PCDH11X: variants seen among roughly 807,000 people sequenced by gnomAD.
PCDH11X encodes protocadherin-11 X-linked.
PCDH11X carries 18 observed loss-of-function variants against 53.3 expected under a neutral mutation model. That is an observed-to-expected ratio of 0.34 (90% CI 0.23 to 0.50). The LOEUF (loss-of-function observed/expected upper bound fraction) is 0.50. Among genes scored for constraint, PCDH11X ranks in the 20% least tolerant of loss-of-function variants. PCDH11X has a pLI of 0.98. For missense variants in PCDH11X, 570 were observed against 1,032.4 expected (o/e 0.55, Z 6.14); for synonymous variants, 279 against 393.3 (o/e 0.71, Z 3.44).
intron 6 of PCDH11X, among the ~76,000 whole-genome samples, chrX:92,096,360 C>T (rs1298995555): frequency 9.1e-6 from 1 of 109,849 alleles, no homozygotes; most frequent in Non-Finnish European, 1.9e-5. Context: ...CACTTGCTCT[C>T]AGGGGGACTA....
intron 4 of PCDH11X, among the ~76,000 whole-genome samples, chrX:91,814,277 G>A (rs34730797): frequency 2.7e-5 from 3 of 110,812 alleles, no homozygotes; most frequent in Admixed American, 9.7e-5. Context: ...CAGTTTAAGC[G>A]TTTGAAAACC....
chrX:91,799,217 C>T (rs1221964807), intron 1 of PCDH11X, among the ~76,000 whole-genome samples: 1 of 110,371 alleles, frequency 9.1e-6, no homozygotes, highest in Non-Finnish European at 1.9e-5. Flanking sequence ...AAATCCATGA[C>T]CTCCTAAACA....
At chrX:92,591,679 G>A (rs1164510003) in intron 10 of PCDH11X, among the ~76,000 whole-genome samples, 2 of 111,254 alleles carry the variant, frequency 1.8e-5, no homozygotes. Flanking sequence ...CATCTGGAGG[G>A]CTGGAATATT....
At chrX:91,910,489 A>G (rs1001035841) in intron 6 of PCDH11X, among the ~76,000 whole-genome samples, 4 of 111,955 alleles carry the variant, frequency 3.6e-5, no homozygotes, top group African/African-American at 1.3e-4. Flanking sequence ...AATATTCACA[A>G]AAACAAAAAA....
In PCDH11X at chrX:91,792,054, G is replaced by T. The variant is rs777224931; in HGVS notation, c.-379+12370G>T. Among the ~76,000 whole-genome samples, 620 of 107,831 alleles carry T rather than the reference G, an allele frequency of 5.7e-3. 5 individuals are homozygous for T. Among genetic ancestry groups the T allele is most frequent in the African/African-American group, 0.02 (600 of 29,286 alleles). 93.6% of individuals were successfully genotyped at this position (107,831 alleles called of 115,157 possible). A position where few individuals can be genotyped will look rare whatever the true frequency, so the allele number is the denominator to read the frequency against. ...CTTTTTGTATTTTTAGTAGAGAGGG[G>T]GTTTCACCGTGTTCTCGATCTCCTG... On this transcript the variant is annotated intron_variant, in intron 1 of 10. Coordinates refer to ENST00000682573, the MANE Select transcript of PCDH11X (RefSeq NM_032968.5).
intron 10 of PCDH11X, among the ~76,000 whole-genome samples, chrX:92,605,113 T>A (rs1926648886): frequency 9.2e-6 from 1 of 108,402 alleles, no homozygotes; most frequent in Admixed American, 1.0e-4. Flanking sequence ...GCAGAATACA[T>A]ATACTATGAA....
At chrX:92,131,461 A>G (rs1406236807) in intron 6 of PCDH11X, among the ~76,000 whole-genome samples, 1 of 111,460 alleles carries the variant, frequency 9.0e-6, no homozygotes, top group Non-Finnish European at 1.9e-5. Context: ...TCGGGCTGCT[A>G]TTTCTCGCAG....
chrX:91,963,782 T>C (rs758646356), intron 6 of PCDH11X, among the ~76,000 whole-genome samples: 1,253 of 111,103 alleles, frequency 0.011, 26 homozygotes, highest in African/African-American at 0.04. Context: ...CAGTTCAGCA[T>C]GGCTGGAGAA....
chrX:91,790,672 T>A (rs973175061), intron 1 of PCDH11X, among the ~76,000 whole-genome samples: 1 of 111,160 alleles, frequency 9.0e-6, no homozygotes, highest in Non-Finnish European at 1.9e-5. Flanking sequence ...CTAACCACTT[T>A]CCTCACAACT....
At chrX:92,271,953 A>C (rs935601074) in intron 8 of PCDH11X, among the ~76,000 whole-genome samples, 2 of 112,330 alleles carry the variant, frequency 1.8e-5, no homozygotes, top group African/African-American at 6.5e-5. Context: ...GTCCAGAGAA[A>C]TGGTATCAGG....
intron 7 of PCDH11X, among the ~76,000 whole-genome samples, chrX:92,230,420 A>G (rs2067044999): frequency 1.5e-5 from 1 of 65,532 alleles, no homozygotes; most frequent in Non-Finnish European, 2.8e-5. Flanking sequence ...ATATATATAT[A>G]ATATATAAAT....
At chrX:92,258,778 G>T (rs2067654465) in intron 7 of PCDH11X, among the ~76,000 whole-genome samples, 1 of 111,496 alleles carries the variant, frequency 9.0e-6, no homozygotes, top group Non-Finnish European at 1.9e-5. Context: ...TTTATGCTCT[G>T]CTTCCTTTTA....
intron 8 of PCDH11X, among the ~76,000 whole-genome samples, chrX:92,350,697 C>A (rs1474053332): frequency 9.0e-6 from 1 of 111,335 alleles, no homozygotes; most frequent in Admixed American, 9.6e-5. Flanking sequence ...GTTCTTGGAG[C>A]AAAAGTCCAT....
rs763013222 is a variant in PCDH11X, at chrX:92,183,897, T to C, written c.3034-17478T>C. Among the ~76,000 whole-genome samples the C allele has an allele frequency of 2.7e-5, 3 of 111,788 alleles. No homozygotes were observed. In the East Asian group the frequency reaches 8.5e-4, roughly 32 times the overall value. ...CCTTTCTTGATCACTCTATGTAAAA[T>C]AGCAACCCCACTCTCCAGAAATTTC... On this transcript the variant is annotated intron_variant, in intron 6 of 10. Coordinates refer to ENST00000682573, the MANE Select transcript of PCDH11X (RefSeq NM_032968.5).
At chrX:92,480,831 G>T (rs1217714762) in intron 10 of PCDH11X, among the ~76,000 whole-genome samples, 1 of 111,632 alleles carries the variant, frequency 9.0e-6, no homozygotes, top group Non-Finnish European at 1.9e-5. Flanking sequence ...GTTTGCATGT[G>T]CCAGCAGCAG....
At chrX:92,433,313 A>T (rs773627845) in intron 9 of PCDH11X, among the ~76,000 whole-genome samples, 79 of 110,450 alleles carry the variant, frequency 7.2e-4, no homozygotes, top group Admixed American at 2.0e-3. Flanking sequence ...TAGCATATAA[A>T]TAATTCCTAT....
At chrX:92,436,408 G>T (rs2148630205) in intron 9 of PCDH11X, among the ~76,000 whole-genome samples, 1 of 111,943 alleles carries the variant, frequency 8.9e-6, no homozygotes, top group South Asian at 3.7e-4. Context: ...ATTATGGAAA[G>T]CAGTATGAAA....
At chrX:91,828,337 G>C (rs1288523082) in intron 4 of PCDH11X, among the ~76,000 whole-genome samples, 1 of 110,138 alleles carries the variant, frequency 9.1e-6, no homozygotes, top group Non-Finnish European at 1.9e-5. Flanking sequence ...AGCCAGAATG[G>C]TCTCGATCTC....
chrX:91,803,993 G>A (rs1936018499), intron 1 of PCDH11X, among the ~76,000 whole-genome samples: 2 of 111,407 alleles, frequency 1.8e-5, no homozygotes, highest in African/African-American at 3.3e-5. Context: ...ATCACATAGG[G>A]ATAGAGATAA....
Sources: allele counts gnomAD v4.1 joint callset (sites outside exome capture counted in the v4.1 genomes callset), GRCh38; gene constraint gnomAD v4.1.1; transcripts MANE v1.5; gene names NCBI Gene and HGNC (gene_info 2026-07-23, HGNC 2026-07-21).